FSTL1: variants seen among roughly 807,000 people sequenced by gnomAD.
FSTL1 encodes the protein follistatin-related protein 1.
A neutral mutation model predicts 45.9 loss-of-function variants in FSTL1; 24 were observed. That is an observed-to-expected ratio of 0.52 (90% CI 0.38 to 0.74). The LOEUF is 0.74. Among genes scored for constraint, FSTL1 ranks in the 30% least tolerant of loss-of-function variants. The pLI is 0.00. For synonymous variants in FSTL1, 120 were observed against 137.6 expected (o/e 0.87, Z 0.89); for missense variants, 340 against 381.8 (o/e 0.89, Z 0.91).
chr3:120,400,018 G>T (rs368394559), intron 9 of FSTL1, 59 bp from the exon 10 acceptor site: 1 of 1,111,414 alleles, frequency 9.0e-7, no homozygotes, highest in Non-Finnish European at 1.4e-6. Context: ...TGAGGAATCC[G>T]CCAAGATCTA....
rs745312872 is a variant in FSTL1 at position 120,404,825 on chromosome 3, C to T, written c.581+28G>A. ...TCTCAGTTAGTCTTCCCTTGTGGAT[C>T]ATTCTCTGACCTCTCGGTTCCTCTC... is the stretch of plus-strand genomic sequence containing the variant. On this transcript the variant is annotated intron_variant, in intron 7 of 10. Coordinates refer to ENST00000295633, the MANE Select transcript of FSTL1 (RefSeq NM_007085.5). 2.7e-6 allele frequency: 3 copies of T among 1,094,486 alleles called. No individual in the cohort carries two copies. The Admixed American group carries it at 5.0e-5, about 18-fold the overall frequency. 67.8% of individuals were successfully genotyped at this position (1,094,486 alleles called of 1,614,324 possible).
At chr3:120,427,739 C>T (rs1405441424) in intron 2 of FSTL1, among the ~76,000 whole-genome samples, 1 of 152,212 alleles carries the variant, frequency 6.6e-6, no homozygotes, top group Non-Finnish European at 1.5e-5. Context: ...ACGAAAATGG[C>T]TTTCAGTCAT....
At chr3:120,427,178 G>T (rs536924726) in intron 2 of FSTL1, among the ~76,000 whole-genome samples, 73 of 152,290 alleles carry the variant, frequency 4.8e-4, no homozygotes, top group African/African-American at 1.7e-3. Flanking sequence ...AATTCTCCCT[G>T]TCCTTCAAGG....
chr3:120,443,153 T>C (rs538150182), intron 2 of FSTL1, among the ~76,000 whole-genome samples: 11 of 149,132 alleles, frequency 7.4e-5, no homozygotes, highest in Non-Finnish European at 1.5e-4. Flanking sequence ...GACATACTGA[T>C]TAGGTGGACA....
chr3:120,409,074 A>G (rs78051250), intron 6 of FSTL1, among the ~76,000 whole-genome samples: 2,976 of 152,320 alleles, frequency 0.02, 45 homozygotes, highest in Non-Finnish European at 0.031. Context: ...ATGCCAGTCC[A>G]TTGATTCTTC....
At position 120,434,328 on chromosome 3, in the gene FSTL1, T is replaced by C. The variant is rs144640029; in HGVS notation, c.63+16356A>G. 1.4e-3 allele frequency among the ~76,000 whole-genome samples: 209 copies of C among 152,342 alleles called. 1 individual carries two copies. The highest frequency in any genetic ancestry group is 4.7e-3 in the African/African-American group (197 of 41,588). ...AGCCAGTTCTGGGTAGGTGTGCACA[T>C]GGCCATGCTGATGGTCCATTCTAGA... On this transcript the variant is annotated intron_variant, in intron 2 of 10. Transcript: ENST00000295633.
At chr3:120,404,295 T>C (rs1242588000) in intron 7 of FSTL1, among the ~76,000 whole-genome samples, 16 of 152,226 alleles carry the variant, frequency 1.1e-4, no homozygotes, top group Admixed American at 1.0e-3. Context: ...ATGCACTTCT[T>C]TTGAAAAAAA....
intron 7 of FSTL1, among the ~76,000 whole-genome samples, chr3:120,404,564 C>T (rs890240939): frequency 6.6e-6 from 1 of 152,232 alleles, no homozygotes; most frequent in Non-Finnish European, 1.5e-5. Context: ...TCACCCACAA[C>T]ATTCAGAAAT....
intron 9 of FSTL1, among the ~76,000 whole-genome samples, chr3:120,402,455 A>C (rs1468263628): frequency 6.6e-6 from 1 of 151,528 alleles, no homozygotes; most frequent in Non-Finnish European, 1.5e-5. Flanking sequence ...TTTTATTTTA[A>C]TGTTTTAATT....
chr3:120,412,090 A>G lies in FSTL1; in HGVS notation c.169-107T>C, dbSNP rs929163327. The G allele has an allele frequency of 8.8e-6, 9 of 1,027,078 alleles. No individual in the cohort carries two copies. The East Asian group carries it at 1.8e-4, about 21-fold the overall frequency. 63.6% of individuals were successfully genotyped at this position (1,027,078 alleles called of 1,614,324 possible). ...ACACACAGAGCCATTTTGTAAGGGG[A>G]CTCTCCACCACCAGAGATGGTGCTT... On this transcript the variant is annotated intron_variant, in intron 3 of 10. Coordinates refer to ENST00000295633, the MANE Select transcript of FSTL1 (RefSeq NM_007085.5).
At chr3:120,403,983 CAA>C (rs59512220) in intron 7 of FSTL1, among the ~76,000 whole-genome samples, 26 of 74,064 alleles carry the variant, frequency 3.5e-4, no homozygotes, top group Admixed American at 9.9e-4. Flanking sequence ...CAAAAAAAAA[CAA>C]AAAACAAAAC....
intron 2 of FSTL1, among the ~76,000 whole-genome samples, chr3:120,448,894 C>T (rs192342433): frequency 1.8e-3 from 272 of 152,316 alleles, no homozygotes; most frequent in African/African-American, 6.2e-3. Context: ...AGCCTCCTCA[C>T]ACCTCATATT....
intron 2 of FSTL1, among the ~76,000 whole-genome samples, chr3:120,430,741 A>G (rs986545289): frequency 1.5e-4 from 23 of 152,238 alleles, no homozygotes; most frequent in African/African-American, 5.5e-4. Flanking sequence ...ACATCATGCC[A>G]AGTGCCAGGG....
intron 9 of FSTL1, among the ~76,000 whole-genome samples, chr3:120,400,754 G>T (rs1269174251): frequency 6.6e-6 from 1 of 152,166 alleles, no homozygotes; most frequent in Admixed American, 6.5e-5. Flanking sequence ...AGATCAGACT[G>T]CTAACTCTCA....
intron 3 of FSTL1, among the ~76,000 whole-genome samples, chr3:120,413,295 C>T (rs1240466269): frequency 6.6e-6 from 1 of 152,166 alleles, no homozygotes; most frequent in Non-Finnish European, 1.5e-5. Context: ...TTCAGTGAAC[C>T]AATATTTATT....
intron 2 of FSTL1, among the ~76,000 whole-genome samples, chr3:120,439,645 T>A (rs1462014251): frequency 2.0e-5 from 3 of 152,204 alleles, no homozygotes; most frequent in African/African-American, 4.8e-5. Context: ...CTCCTTCCTG[T>A]GGGTGGGCAG....
At chr3:120,413,086 C>A (rs1937104506) in intron 3 of FSTL1, among the ~76,000 whole-genome samples, 2 of 152,026 alleles carry the variant, frequency 1.3e-5, no homozygotes. Flanking sequence ...GCTGAAGGTG[C>A]CAAGATCACA....
chr3:120,424,023 A>G (rs1298016217), intron 2 of FSTL1: 1 of 152,246 alleles, frequency 6.6e-6, no homozygotes, highest in Non-Finnish European at 1.5e-5. Context: ...AGTCTTCTTC[A>G]GTAATGGCCA....
intron 6 of FSTL1, among the ~76,000 whole-genome samples, chr3:120,407,382 G>T (rs567060867): frequency 2.4e-4 from 37 of 152,324 alleles, no homozygotes; most frequent in African/African-American, 8.9e-4. Flanking sequence ...ATCACACCCA[G>T]ATGAAATTAG....
Sources: gnomAD v4.1 joint callset for allele counts (sites outside exome capture counted in the v4.1 genomes callset) on GRCh38, gnomAD v4.1.1 for gene constraint, MANE v1.5 for transcripts, NCBI Gene and HGNC (gene_info 2026-07-23, HGNC 2026-07-21) for gene names.